The following ANKHD1 variants were observed in gnomAD, a reference collection of about 807,000 sequenced individuals.
ANKHD1 encodes ankyrin repeat and KH domain containing 1.
ANKHD1 carries 31 observed loss-of-function variants against 230.5 expected under a neutral mutation model. That is an observed-to-expected ratio of 0.13 (90% CI 0.10 to 0.18). The LOEUF (loss-of-function observed/expected upper bound fraction) is 0.18. Among genes scored for constraint, ANKHD1 ranks in the 10% least tolerant of loss-of-function variants. The pLI is 1.00. For missense variants in ANKHD1, 2,256 were observed against 3,071.3 expected, an observed-to-expected ratio of 0.73 and a Z score of 6.27; for synonymous variants, 1,074 against 1,117.6, an observed-to-expected ratio of 0.96 and a Z score of 0.78.
At chr5:140,439,082 T>C (rs1012432450) in intron 3 of ANKHD1, among the ~76,000 whole-genome samples, 1 of 152,090 alleles carries the variant, frequency 6.6e-6, no homozygotes, top group African/African-American at 2.4e-5. Flanking sequence ...CCCTACTCCA[T>C]ATCTACTGAA....
rs530835836 is a variant in ANKHD1, at chr5:140,450,098, A to C, written c.1242+793A>C. Among the ~76,000 whole-genome samples the C allele has an allele frequency of 1.6e-3, 241 of 152,352 alleles. 1 individual carries two copies. Among genetic ancestry groups the C allele is most frequent in the South Asian group, 8.5e-3 (41 of 4,822 alleles). On this transcript the variant is annotated intron_variant, in intron 7 of 33. Transcript: ENST00000360839. Reference sequence around the variant, plus strand: ...TCTAAAAGAGAGTGCAAATACAAAGAAACTCAAAGCATTCTGATAAGTATT... The same window carrying C: ...TCTAAAAGAGAGTGCAAATACAAAGCAACTCAAAGCATTCTGATAAGTATT...
chr5:140,468,899 T>G (rs941487850), intron 10 of ANKHD1, among the ~76,000 whole-genome samples: 2 of 152,186 alleles, frequency 1.3e-5, no homozygotes, highest in Non-Finnish European at 2.9e-5. Context: ...AGGGATAAAT[T>G]CCTGGAAGTG....
intron 5 of ANKHD1, among the ~76,000 whole-genome samples, chr5:140,443,370 T>G (rs982090451): frequency 2.6e-5 from 4 of 152,024 alleles, no homozygotes; most frequent in Non-Finnish European, 5.9e-5. Flanking sequence ...AACAGCATTA[T>G]GCTATATACA....
chr5:140,431,690 C>T lies in ANKHD1; in HGVS notation c.307-4414C>T, dbSNP rs899355948. Among the ~76,000 whole-genome samples, 6 of 152,284 alleles carry T rather than the reference C, an allele frequency of 3.9e-5. No individual in the cohort carries two copies. In the East Asian group the frequency reaches 1.2e-3, roughly 29 times the overall value. ...GGTACTTGAACCTTATTCTCTTGAT[C>T]TCCAGTGTAATATGCTCTCCATTAT... On this transcript the variant is annotated intron_variant, in intron 1 of 33. Coordinates refer to ENST00000360839, the MANE Select transcript of ANKHD1 (RefSeq NM_017747.3).
chr5:140,422,585 G>A (rs72798870), intron 1 of ANKHD1, among the ~76,000 whole-genome samples: 27,442 of 151,430 alleles, frequency 0.18, 3,209 homozygotes, highest in East Asian at 0.28. Flanking sequence ...TGTTCTGGGC[G>A]GATCGTGAGG....
intron 14 of ANKHD1, among the ~76,000 whole-genome samples, chr5:140,492,090 C>T (rs114324626): frequency 1.6e-4 from 24 of 152,072 alleles, no homozygotes; most frequent in Admixed American, 1.2e-3. Context: ...GAGTAAGTGA[C>T]ATGAAAAGTT....
At chr5:140,518,226 A>G (rs1371854001) in intron 24 of ANKHD1, among the ~76,000 whole-genome samples, 1 of 152,254 alleles carries the variant, frequency 6.6e-6, no homozygotes, top group East Asian at 1.9e-4. Flanking sequence ...CACTCTCCCA[A>G]GACTAAACCA....
At chr5:140,449,044 A>G (rs1774502779) in intron 6 of ANKHD1, among the ~76,000 whole-genome samples, 167 bp from the exon 7 acceptor site, 1 of 152,206 alleles carries the variant, frequency 6.6e-6, no homozygotes, top group African/African-American at 2.4e-5. Context: ...AAAAGCCTGT[A>G]TATTGCTTTG....
intron 7 of ANKHD1, among the ~76,000 whole-genome samples, chr5:140,454,516 C>G (rs998233199): frequency 2.0e-5 from 3 of 152,222 alleles, no homozygotes; most frequent in Non-Finnish European, 2.9e-5. Context: ...AACTGTCTCT[C>G]AGACCACAAT....
At chr5:140,528,128 C>CT (rs869281157) in intron 28 of ANKHD1, 56 bp from the exon 29 acceptor site, 122,796 of 1,212,862 alleles carry the variant, frequency 0.1, 4 homozygotes, top group South Asian at 0.13. Flanking sequence ...TTAAGATTAC[C>CT]TTTTTTTTTT....
intron 1 of ANKHD1, among the ~76,000 whole-genome samples, chr5:140,406,678 G>A (rs775259626): frequency 1.7e-4 from 25 of 151,440 alleles, no homozygotes; most frequent in Non-Finnish European, 2.8e-4. Flanking sequence ...GAGATTACAA[G>A]TGCGTGCCAC....
intron 1 of ANKHD1, among the ~76,000 whole-genome samples, chr5:140,435,104 C>T (rs772939537): frequency 2.6e-5 from 4 of 152,118 alleles, no homozygotes; most frequent in Non-Finnish European, 4.4e-5. Flanking sequence ...GTAGGCCCAA[C>T]GTATAGCACT....
intron 6 of ANKHD1, among the ~76,000 whole-genome samples, chr5:140,446,757 GTTTGTT>G (rs1463292508): frequency 2.0e-5 from 3 of 151,988 alleles, no homozygotes; most frequent in African/African-American, 7.3e-5. Flanking sequence ...TACATTTCCA[GTTTGTT>G]TTTAAGTATG....
intron 2 of ANKHD1, among the ~76,000 whole-genome samples, chr5:140,436,615 G>A (rs1264028281): frequency 6.6e-6 from 1 of 151,998 alleles, no homozygotes; most frequent in Admixed American, 6.6e-5. Flanking sequence ...GTATGGCGGT[G>A]TGCGCCTGTA....
intron 1 of ANKHD1, among the ~76,000 whole-genome samples, chr5:140,428,345 C>T (rs1331973239): frequency 6.6e-6 from 1 of 152,252 alleles, no homozygotes; most frequent in Non-Finnish European, 1.5e-5. Flanking sequence ...GCCTGGGCAC[C>T]ATTGAGCACT....
At chr5:140,538,353 TTTTG>T in intron 32 of ANKHD1, 92 bp downstream of exon 32, 1 of 1,530,438 alleles carries the variant, frequency 6.5e-7, no homozygotes, top group Non-Finnish European at 8.8e-7. Context: ...TAATGCTCCC[TTTTG>T]TTTCTGTGGC....
intron 10 of ANKHD1, chr5:140,472,570 C>G (rs1383500446): frequency 7.3e-6 from 5 of 683,064 alleles, no homozygotes; most frequent in Non-Finnish European, 5.9e-6. Flanking sequence ...CTTTTACATT[C>G]TCCTTTATTG....
rs1355847662 is a variant in ANKHD1, at chr5:140,410,491, A to G, written c.306+8218A>G. On this transcript the variant is annotated intron_variant, in intron 1 of 33. Coordinates refer to ENST00000360839, the MANE Select transcript of ANKHD1 (RefSeq NM_017747.3). Reference sequence around the variant, plus strand: ...CTTTAAAGAAAAGCAAAACAGTTTTAAACAGTTTTAGCCTTGAATTGGCAA... The same window carrying G: ...CTTTAAAGAAAAGCAAAACAGTTTTGAACAGTTTTAGCCTTGAATTGGCAA... 3.9e-5 allele frequency among the ~76,000 whole-genome samples: 6 copies of G among 152,226 alleles called. No individual in the cohort carries two copies. The East Asian group carries it at 1.2e-3, about 29-fold the overall frequency.
At chr5:140,481,799 A>G (rs1751286699) in intron 10 of ANKHD1, among the ~76,000 whole-genome samples, 1 of 151,992 alleles carries the variant, frequency 6.6e-6, no homozygotes, top group Non-Finnish European at 1.5e-5. Flanking sequence ...TTGCATATAT[A>G]ATGAAAGAGG....
Sources: gnomAD v4.1 joint callset for allele counts (sites outside exome capture counted in the v4.1 genomes callset) on GRCh38, gnomAD v4.1.1 for gene constraint, MANE v1.5 for transcripts, NCBI Gene and HGNC (gene_info 2026-07-23, HGNC 2026-07-21) for gene names.